ACAD11: variants seen among roughly 807,000 people sequenced by gnomAD.
The protein encoded by ACAD11 is acyl-CoA dehydrogenase family member 11, also known as acyl-Coenzyme A dehydrogenase family, member 11.
Under a neutral mutation model 102.2 loss-of-function variants are expected in ACAD11, and 83 were observed. The observed-to-expected ratio is 0.81, with a 90% confidence interval of 0.68 to 0.97. The LOEUF (loss-of-function observed/expected upper bound fraction) is 0.97, where lower values mean the gene tolerates loss of function less well. ACAD11 is among the 50% of genes least tolerant of loss of function. ACAD11 has a pLI of 0.00. For synonymous variants in ACAD11, 324 were observed against 319.8 expected (o/e 1.01, Z -0.14); for missense variants, 901 against 951.7 (o/e 0.95, Z 0.70).
intron 9 of ACAD11, among the ~76,000 whole-genome samples, chr3:132,625,797 G>A (rs1400868223): frequency 6.6e-6 from 1 of 152,142 alleles, no homozygotes; most frequent in African/African-American, 2.4e-5. Context: ...TACCAGGCTA[G>A]CTGTAGACCT....
At chr3:132,652,206 A>G (rs1202347479) in intron 1 of ACAD11, among the ~76,000 whole-genome samples, 3 of 152,098 alleles carry the variant, frequency 2.0e-5, no homozygotes, top group Non-Finnish European at 4.4e-5. Context: ...GATGGTGAAT[A>G]AGTCTCATGA....
chr3:132,591,831 G>A (rs1476660368), intron 13 of ACAD11, among the ~76,000 whole-genome samples: 2 of 152,158 alleles, frequency 1.3e-5, no homozygotes, highest in Admixed American at 6.5e-5. Flanking sequence ...AGTCAAGGTT[G>A]CAGTGAGCCG....
intron 11 of ACAD11, among the ~76,000 whole-genome samples, chr3:132,611,602 C>T (rs1939152273): frequency 6.6e-6 from 1 of 151,964 alleles, no homozygotes; most frequent in Non-Finnish European, 1.5e-5. Flanking sequence ...AGAGCCAAAT[C>T]ATCAGTGAAC....
In ACAD11 at chr3:132,559,025, T is replaced by G. The variant is rs772852298; in HGVS notation, c.2289A>C (p.Ala763=). The G allele has an allele frequency of 6.2e-7, 1 of 1,613,842 alleles. No individual in the cohort carries two copies. Among genetic ancestry groups the G allele is most frequent in the Non-Finnish European group, 8.5e-7 (1 of 1,179,844 alleles). Residue 763 remains alanine (A), a synonymous_variant, in exon 20 of 20, where the codon GCA becomes GCC. Transcript: ENST00000264990. ...GGTCCCGCAGCTCCATTGTTGCGAT[T>G]GCTGAAAGATGAACTTCGTCAGGTC... ...ADGPDEVHLS[A]IATMELRDQA...
intron 5 of ACAD11, among the ~76,000 whole-genome samples, chr3:132,635,751 A>G (rs1418185835): frequency 3.9e-5 from 6 of 152,178 alleles, no homozygotes; most frequent in Non-Finnish European, 5.9e-5. Flanking sequence ...AGAGCTTGGC[A>G]TATATAGCAA....
At position 132,573,332 on chromosome 3, in the gene ACAD11, A is replaced by G. The variant is rs117203023; in HGVS notation, c.2001+2440T>C. 7.2e-5 allele frequency among the ~76,000 whole-genome samples: 11 copies of G among 152,326 alleles called. No homozygotes were observed. The East Asian group carries it at 1.7e-3, about 24-fold the overall frequency. On this transcript the variant is annotated intron_variant, in intron 17 of 19. Coordinates refer to ENST00000264990, the MANE Select transcript of ACAD11 (RefSeq NM_032169.5). ...TACCTAGTCTGAACTGAGATGTACT[A>G]TAAGTATAAAATATGCACCCCATAT...
chr3:132,654,563 C>G (rs955505519), intron 1 of ACAD11: 5 of 152,172 alleles, frequency 3.3e-5, no homozygotes, highest in Admixed American at 2.0e-4. Context: ...CCGTAAAAGC[C>G]AATCATGGCT....
intron 5 of ACAD11, among the ~76,000 whole-genome samples, chr3:132,635,431 T>C (rs1415091438): frequency 2.0e-5 from 3 of 152,232 alleles, no homozygotes; most frequent in African/African-American, 7.2e-5. Context: ...TATAACTGTG[T>C]GTGCTTGCAC....
At position 132,575,670 on chromosome 3, in the gene ACAD11, C is replaced by T. The variant is rs866191491; in HGVS notation, c.2001+102G>A. 2.6e-5 allele frequency: 36 copies of T among 1,389,676 alleles called. No homozygotes were observed. In the Middle Eastern group the frequency reaches 3.1e-3, roughly 120 times the overall value. 86.1% of individuals were successfully genotyped at this position (1,389,676 alleles called of 1,614,324 possible). On this transcript the variant is annotated intron_variant, in intron 17 of 19. Transcript: ENST00000264990. The stretch of plus-strand genomic sequence containing the variant: ...ATATGCCTTATTGAAAAGAATCACC[C>T]GGTTCATGTAGAGAAAGTCTGTCTC...
chr3:132,561,343 C>A, intron 17 of ACAD11, 126 bp from the exon 18 acceptor site: 2 of 735,928 alleles, frequency 2.7e-6, no homozygotes, highest in East Asian at 2.7e-5. Flanking sequence ...AAGCTTTACT[C>A]TATGTATTTT....
chr3:132,571,266 T>C lies in ACAD11; in HGVS notation c.2001+4506A>G, dbSNP rs542029271. On this transcript the variant is annotated intron_variant, in intron 17 of 19. Transcript: ENST00000264990. ...CTCTAATGATCAGTGATTTTTAGCT[T>C]TTTTTCACATGCCTGTTGGCCACAT... 1.2e-4 allele frequency among the ~76,000 whole-genome samples: 19 copies of C among 152,270 alleles called. No homozygotes were observed. In the South Asian group the frequency reaches 3.7e-3, roughly 30 times the overall value.
chr3:132,634,254 C>A (rs1478990156), intron 5 of ACAD11, among the ~76,000 whole-genome samples: 1 of 152,162 alleles, frequency 6.6e-6, no homozygotes, highest in Non-Finnish European at 1.5e-5. Context: ...ACGATATGAA[C>A]AGACACTTCT....
chr3:132,645,092 G>A (rs1027536547), intron 1 of ACAD11, among the ~76,000 whole-genome samples, 196 bp from the exon 2 acceptor site: 4 of 152,144 alleles, frequency 2.6e-5, no homozygotes, highest in African/African-American at 4.8e-5. Flanking sequence ...ACTGGCAGCT[G>A]GAGAATCTGT....
At chr3:132,571,691 A>C (rs1271433086) in intron 17 of ACAD11, among the ~76,000 whole-genome samples, 1 of 152,136 alleles carries the variant, frequency 6.6e-6, no homozygotes, top group East Asian at 1.9e-4. Flanking sequence ...ATCCAGCAAC[A>C]CATCAAAAGG....
In ACAD11 at chr3:132,642,187, G is replaced by A. The variant is rs978371943; in HGVS notation, c.376-54C>T. On this transcript the variant is annotated intron_variant, in intron 3 of 19. Transcript: ENST00000264990. ...AAATGTGTATAATCAATACTTTGTC[G>A]AATATACTAGAAAAACATTCATTTG... The A allele has an allele frequency of 1.1e-5, 16 of 1,430,656 alleles. No individual in the cohort carries two copies. The Admixed American group carries it at 1.6e-4, about 15-fold the overall frequency. 88.6% of individuals were successfully genotyped at this position (1,430,656 alleles called of 1,614,324 possible).
chr3:132,651,218 G>C (rs923706750), intron 1 of ACAD11, among the ~76,000 whole-genome samples: 1 of 152,020 alleles, frequency 6.6e-6, no homozygotes, highest in Non-Finnish European at 1.5e-5. Flanking sequence ...CCTCAGCTTT[G>C]AATCTCAGGC....
chr3:132,582,339 T>TA (rs34072025), intron 13 of ACAD11, among the ~76,000 whole-genome samples: 31,298 of 145,100 alleles, frequency 0.22, 3,895 homozygotes, highest in East Asian at 0.65. Context: ...CAGAAACTGT[T>TA]AAAAAAAAAA....
At chr3:132,632,198 C>G (rs1381265596) in intron 5 of ACAD11, among the ~76,000 whole-genome samples, 1 of 151,958 alleles carries the variant, frequency 6.6e-6, no homozygotes, top group Non-Finnish European at 1.5e-5. Flanking sequence ...ATTCTCCTGC[C>G]TCAGCCTCCC....
intron 4 of ACAD11, among the ~76,000 whole-genome samples, chr3:132,640,797 T>G (rs1321752179): frequency 6.6e-6 from 1 of 152,184 alleles, no homozygotes; most frequent in Non-Finnish European, 1.5e-5. Flanking sequence ...ATGTAGGACC[T>G]AGCATATAGT....
Sources: gnomAD v4.1 joint callset for allele counts (sites outside exome capture counted in the v4.1 genomes callset) on GRCh38, gnomAD v4.1.1 for gene constraint, MANE v1.5 for transcripts, NCBI Gene and HGNC (gene_info 2026-07-23, HGNC 2026-07-21) for gene names.